The following GNE variants were observed in gnomAD, a reference collection of about 807,000 sequenced individuals.
The protein encoded by GNE is bifunctional UDP-N-acetylglucosamine 2-epimerase/N-acetylmannosamine kinase.
A neutral mutation model predicts 61.8 loss-of-function variants in GNE; 41 were observed. The observed-to-expected ratio is 0.66, with a 90% CI of 0.52 to 0.86. GNE has a LOEUF of 0.86. Ranked by LOEUF, GNE falls within the 40% of genes least tolerant of loss-of-function variation. The pLI is 0.00. For synonymous variants in GNE, 264 were observed against 326.4 expected (o/e 0.81, Z 2.06); for missense variants, 608 against 909.1 (o/e 0.67, Z 4.26).
rs745323678 is a variant in GNE at position 36,249,249 on chromosome 9, G to T, written c.107C>A (p.Pro36His). 3.7e-6 allele frequency: 6 copies of T among 1,614,008 alleles called. No homozygotes were observed. In the Admixed American group the frequency reaches 8.3e-5, roughly 22 times the overall value. The stretch of plus-strand genomic sequence containing the variant: ...CACAACATCAAGTTCAAAGAACTCA[G>T]GTTCGGTTTTAATGCCAAACATGAT... The part of the protein sequence containing the change: ...APIMFGIKTE[P>H]EFFELDVVVL... The change falls in exon 2 of 12, where the codon CCT (proline) becomes CAT (histidine). Residue 36 changes from proline (P) to histidine (H), a missense_variant. Pro to His is a moderately conservative substitution (Grantham distance 77, BLOSUM62 -2). Coordinates refer to ENST00000642385, the MANE Select transcript of GNE (RefSeq NM_005476.7).
In GNE at chr9:36,249,210, T is replaced by TTC. The variant is rs1290886548; in HGVS notation, c.145_146insGA (p.His49ArgfsTer3). 1 of 1,613,520 alleles carries TTC rather than the reference T, an allele frequency of 6.2e-7. No homozygotes were observed. ...ATCTTACCCATAGTCATCTATCAGG[T>TTC]GAGAGCCAAGTACCACAACATCAAG... On this transcript the variant is annotated frameshift_variant, in exon 2 of 12. Transcript: ENST00000642385. LOFTEE classifies it high-confidence loss of function.
At position 36,251,986 on chromosome 9, in the gene GNE, C is replaced by CTTTTTTTTTTTT. The variant is rs34737463; in HGVS notation, c.-42-2601_-42-2590dup. ...TCAGAAGACCCAAGCACTATCTGAT[C>CTTTTTTTTTTTT]TTTTTTTTTTTTTTTTTGAGACAGA... On this transcript the variant is annotated intron_variant, in intron 1 of 11. Transcript: ENST00000642385. Among the ~76,000 whole-genome samples, 312 of 134,114 alleles carry CTTTTTTTTTTTT rather than the reference C, an allele frequency of 2.3e-3. 5 individuals are homozygous for CTTTTTTTTTTTT. The highest frequency in any genetic ancestry group is 8.1e-3 in the African/African-American group (288 of 35,610). The allele number at this position is 134,114 out of a possible 152,430, so 88.0% of individuals were successfully genotyped here. A position where few individuals can be genotyped will look rare whatever the true frequency, so the allele number is the denominator to read the frequency against.
At chr9:36,248,990 C>A (rs958728581) in intron 2 of GNE, among the ~76,000 whole-genome samples, 4 of 152,114 alleles carry the variant, frequency 2.6e-5, no homozygotes, top group Admixed American at 1.3e-4. Context: ...ATCTCCATTC[C>A]TCACAATAAT....
In GNE at chr9:36,233,954, G is replaced by C; in HGVS notation, c.948C>G (p.Ile316Met). ...REVGAFGTPV[I>M]NLGTRQIGRE... The stretch of plus-strand genomic sequence containing the variant: ...TTCCAATCTGACGTGTTCCCAGGTT[G>C]ATCACAGGTGTTCCAAAAGCTCCAA... Residue 316 changes from isoleucine to methionine, a missense_variant, in exon 5 of 12, where the codon ATC becomes ATG. Ile to Met is a conservative substitution (Grantham distance 10, BLOSUM62 1). Coordinates refer to ENST00000642385, the MANE Select transcript of GNE (RefSeq NM_005476.7). 2 of 1,614,106 alleles carry C rather than the reference G, an allele frequency of 1.2e-6. No homozygotes were observed. Among genetic ancestry groups the C allele is most frequent in the Non-Finnish European group, 1.7e-6 (2 of 1,179,952 alleles).
At chr9:36,251,744 T>G (rs1482504663) in intron 1 of GNE, among the ~76,000 whole-genome samples, 1 of 152,158 alleles carries the variant, frequency 6.6e-6, no homozygotes, top group African/African-American at 2.4e-5. Context: ...GGTGCCATCC[T>G]TTAGATGAGG....
chr9:36,229,707 T>C (rs949649565), intron 5 of GNE, among the ~76,000 whole-genome samples: 1 of 151,892 alleles, frequency 6.6e-6, no homozygotes, highest in African/African-American at 2.4e-5. Context: ...TAAAGAAGGA[T>C]GAGAAAAGAT....
intron 3 of GNE, among the ~76,000 whole-genome samples, chr9:36,245,776 T>C (rs1480855316): frequency 6.6e-6 from 1 of 152,244 alleles, no homozygotes; most frequent in East Asian, 1.9e-4. Flanking sequence ...CTAATATATT[T>C]AATGGATTAA....
intron 6 of GNE, among the ~76,000 whole-genome samples, chr9:36,228,511 G>A (rs1828993794): frequency 6.6e-6 from 1 of 151,956 alleles, no homozygotes; most frequent in African/African-American, 2.4e-5. Context: ...AATAAAATAA[G>A]GCTGGGCGCA....
At chr9:36,272,968 C>A (rs1033498765) in intron 1 of GNE, among the ~76,000 whole-genome samples, 3 of 150,042 alleles carry the variant, frequency 2.0e-5, no homozygotes, top group Admixed American at 6.7e-5. Context: ...GCCTGTAGTC[C>A]CAGCTACTCA....
chr9:36,237,955 T>C (rs1449922433), intron 3 of GNE, among the ~76,000 whole-genome samples: 3 of 152,160 alleles, frequency 2.0e-5, no homozygotes, highest in African/African-American at 7.2e-5. Flanking sequence ...AATAATAGTG[T>C]CCAGTCTCAT....
chr9:36,275,502 T>C (rs930774602), intron 1 of GNE, among the ~76,000 whole-genome samples: 2 of 152,160 alleles, frequency 1.3e-5, no homozygotes, highest in Non-Finnish European at 2.9e-5. Flanking sequence ...AAAGGCCATA[T>C]AGAGTATTTC....
rs759945787 is a variant in GNE at position 36,236,879 on chromosome 9, A to G, written c.722T>C (p.Ile241Thr). ...KMFELTLDAL[I>T]SFNKRTLVLF... ...GACTAGGGTCCGCTTGTTAAATGAG[A>G]TAAGTGCATCCAATGTTAATTCAAA... The change falls in exon 4 of 12, where the codon ATC becomes ACC. Residue 241 changes from isoleucine to threonine, a missense_variant. Coordinates refer to ENST00000642385, the MANE Select transcript of GNE (RefSeq NM_005476.7). 1 of 1,613,648 alleles carries G rather than the reference A, an allele frequency of 6.2e-7. No homozygotes were observed. Among genetic ancestry groups the G allele is most frequent in the South Asian group, 1.1e-5 (1 of 91,078 alleles).
intron 1 of GNE, among the ~76,000 whole-genome samples, chr9:36,269,624 TG>T (rs1830943984): frequency 6.6e-6 from 1 of 152,056 alleles, no homozygotes; most frequent in African/African-American, 2.4e-5. Context: ...TAATTCAAAA[TG>T]TTATCTCAGT....
chr9:36,231,462 A>C (rs1829152618), intron 5 of GNE, among the ~76,000 whole-genome samples: 1 of 152,184 alleles, frequency 6.6e-6, no homozygotes, highest in African/African-American at 2.4e-5. Flanking sequence ...CAAAACAAAC[A>C]AACAAACAAA....
At chr9:36,270,594 T>C (rs1830989507) in intron 1 of GNE, among the ~76,000 whole-genome samples, 1 of 150,512 alleles carries the variant, frequency 6.6e-6, no homozygotes, top group Non-Finnish European at 1.5e-5. Flanking sequence ...CTCGGCTCAC[T>C]GCAAGCTCCG....
upstream of GNE, among the ~76,000 whole-genome samples, chr9:36,261,048 T>C (rs1830600961): frequency 6.6e-6 from 1 of 152,094 alleles, no homozygotes; most frequent in Non-Finnish European, 1.5e-5. Context: ...TTCTAGAGGC[T>C]GCCCACATTC....
At chr9:36,263,331 C>G (rs373598683), upstream of GNE, 13 of 222,764 alleles carry the variant, frequency 5.8e-5, no homozygotes, top group South Asian at 5.1e-4. Context: ...TCACCGCGCC[C>G]GGCTAATTTT....
rs1336227986 is a variant in GNE at position 36,243,352 on chromosome 9, A to G, written c.616+2679T>C. Among the ~76,000 whole-genome samples the G allele has an allele frequency of 3.3e-5, 5 of 152,082 alleles. No homozygotes were observed. In the East Asian group the frequency reaches 9.6e-4, roughly 29 times the overall value. ...GTGCCACCACATCTGGCACATTATT[A>G]TTTTCTATTCATTACAAGTTTTTCA... On this transcript the variant is annotated intron_variant, in intron 3 of 11. Transcript: ENST00000642385.
intron 1 of GNE, among the ~76,000 whole-genome samples, chr9:36,264,635 A>T (rs1374694119): frequency 6.6e-6 from 1 of 152,162 alleles, no homozygotes; most frequent in Non-Finnish European, 1.5e-5. Context: ...GAGAGACAGG[A>T]CTAGCTGGAT....
Sources: gnomAD v4.1 joint callset for allele counts (sites outside exome capture counted in the v4.1 genomes callset) on GRCh38, gnomAD v4.1.1 for gene constraint, MANE v1.5 for transcripts, NCBI Gene and HGNC (gene_info 2026-07-23, HGNC 2026-07-21) for gene names.